The following LRRC42 variants were observed in gnomAD, a reference collection of about 807,000 sequenced individuals.
LRRC42 encodes the protein leucine-rich repeat-containing protein 42.
Under a neutral mutation model 44.3 loss-of-function variants are expected in LRRC42, and 43 were observed. The observed-to-expected ratio is 0.97, with a 90% CI of 0.76 to 1.25. The LOEUF (loss-of-function observed/expected upper bound fraction) is 1.25, where lower values mean the gene tolerates loss of function less well. Among genes scored for constraint, LRRC42 ranks in the 50% most tolerant of loss-of-function variants. LRRC42 has a pLI of 0.00. For synonymous variants in LRRC42, 207 were observed against 195.2 expected (o/e 1.06, Z -0.50); for missense variants, 540 against 509.1 (o/e 1.06, Z -0.58).
At chr1:53,947,683 C>T (rs1654551916) in intron 1 of LRRC42, 105 bp from the exon 2 acceptor site, 1 of 152,162 alleles carries the variant, frequency 6.6e-6, no homozygotes, top group Non-Finnish European at 1.5e-5. Context: ...AGGGAGGCCT[C>T]GTTGTAAATG....
Position 53,959,457 on chromosome 1 carries a change from C to A in LRRC42, c.606-899C>A, listed in dbSNP as rs80155654. On this transcript the variant is annotated intron_variant, in intron 4 of 8. Transcript: ENST00000371370. ...TACAAACCTAGGTCTAACCTACTAC[C>A]TGAGGCCTGCTTCTGACAGTGACAC... Among the ~76,000 whole-genome samples, 5 of 152,172 alleles carry A rather than the reference C, an allele frequency of 3.3e-5. No individual in the cohort carries two copies. The East Asian group carries it at 7.7e-4, about 23-fold the overall frequency.
At chr1:53,948,501 C>G (rs1304311582) in intron 2 of LRRC42, among the ~76,000 whole-genome samples, 2 of 152,172 alleles carry the variant, frequency 1.3e-5, no homozygotes, top group Admixed American at 1.3e-4. Context: ...TGACCAAATG[C>G]TAGAACATAC....
Position 53,952,496 on chromosome 1 carries a change from C to T in LRRC42, c.473+24C>T, listed in dbSNP as rs748440203. The T allele has an allele frequency of 3.3e-5, 52 of 1,553,264 alleles. No homozygotes were observed. In the South Asian group the frequency reaches 4.1e-4, roughly 12 times the overall value. ...AGGTGGGTGTTCTGATTAGATTATTCGGTATTTTATTGGGTGTGTTAATTC... is the reference window on the plus strand; with the variant it reads ...AGGTGGGTGTTCTGATTAGATTATTTGGTATTTTATTGGGTGTGTTAATTC... On this transcript the variant is annotated intron_variant, in intron 3 of 8. Coordinates refer to ENST00000371370, the MANE Select transcript of LRRC42 (RefSeq NM_001256409.2).
rs1473712940 is a variant in LRRC42 at position 53,958,183 on chromosome 1, A to T, written c.508A>T (p.Lys170Ter). The T allele has an allele frequency of 1.9e-6, 3 of 1,613,836 alleles. No individual in the cohort carries two copies. The African/African-American group carries it at 4.0e-5, about 22-fold the overall frequency. Residue 170 changes from lysine to a stop codon, truncating the protein, a stop_gained, in exon 4 of 9, where the codon AAG (lysine) becomes TAG (stop). Transcript: ENST00000371370. LOFTEE classifies it high-confidence loss of function. ...LVISEKLEEI[K>*]SFRELTCLDL... Reference sequence around the variant, plus strand: ...GATTTCAGAAAAGCTTGAGGAGATTAAGTCTTTCCGGGAGCTGACCTGCCT... The same window carrying T: ...GATTTCAGAAAAGCTTGAGGAGATTTAGTCTTTCCGGGAGCTGACCTGCCT...
At chr1:53,952,497 G>C in intron 3 of LRRC42, 25 bp downstream of exon 3, 2 of 1,550,410 alleles carry the variant, frequency 1.3e-6, no homozygotes, top group Middle Eastern at 1.7e-4. Context: ...TAGATTATTC[G>C]GTATTTTATT....
chr1:53,964,394 C>G (rs1269857473), intron 7 of LRRC42, among the ~76,000 whole-genome samples: 1 of 152,184 alleles, frequency 6.6e-6, no homozygotes. Flanking sequence ...CTGCATTCCT[C>G]TCTCAGACAC....
chr1:53,965,264 C>T (rs535589364), intron 7 of LRRC42, among the ~76,000 whole-genome samples: 11 of 149,226 alleles, frequency 7.4e-5, no homozygotes, highest in South Asian at 2.2e-4. Context: ...GGATTACAGG[C>T]GTGAGCTACT....
At position 53,952,346 on chromosome 1, in the gene LRRC42, A is replaced by T; in HGVS notation, c.347A>T (p.Glu116Val). The change falls in exon 3 of 9, where the codon GAA becomes GTA. Residue 116 changes from glutamate (E) to valine (V), a missense_variant. By Grantham distance (121) the Glu-to-Val change is moderately radical. Coordinates refer to ENST00000371370, the MANE Select transcript of LRRC42 (RefSeq NM_001256409.2). ...ATTGGCTTTCCTGAGCAGATTGCTG[A>T]AAAGCTGTTCTCTGCTGCTGAAGCC... ...SLIGFPEQIA[E>V]KLFSAAEARQ... The T allele has an allele frequency of 6.2e-7, 1 of 1,614,188 alleles. No homozygotes were observed. Among genetic ancestry groups the T allele is most frequent in the Non-Finnish European group, 8.5e-7 (1 of 1,179,992 alleles).
At position 53,952,726 on chromosome 1, in the gene LRRC42, T is replaced by C. The variant is rs563418741; in HGVS notation, c.473+254T>C. On this transcript the variant is annotated intron_variant, in intron 3 of 8. Transcript: ENST00000371370. Reference sequence around the variant, plus strand: ...CTCCTCCATTAAGTAGAAAATATTATTCTAACAGCTTTCAAAGAGAAAATA... The same window carrying C: ...CTCCTCCATTAAGTAGAAAATATTACTCTAACAGCTTTCAAAGAGAAAATA... Among the ~76,000 whole-genome samples the C allele has an allele frequency of 2.6e-5, 4 of 152,350 alleles. No individual in the cohort carries two copies. In the East Asian group the frequency reaches 7.7e-4, roughly 29 times the overall value.
chr1:53,963,226 C>T (rs1655042047), intron 7 of LRRC42, among the ~76,000 whole-genome samples: 1 of 152,180 alleles, frequency 6.6e-6, no homozygotes, highest in African/African-American at 2.4e-5. Context: ...AGGGAGACTG[C>T]TGAGTCGTGT....
intron 5 of LRRC42, among the ~76,000 whole-genome samples, chr1:53,961,483 G>T (rs963872262): frequency 4.6e-5 from 7 of 151,846 alleles, no homozygotes; most frequent in Admixed American, 3.3e-4. Flanking sequence ...AATATTTTTT[G>T]AGCATCTACA....
At chr1:53,960,124 T>C (rs1654954632) in intron 4 of LRRC42, among the ~76,000 whole-genome samples, 1 of 152,034 alleles carries the variant, frequency 6.6e-6, no homozygotes, top group Non-Finnish European at 1.5e-5. Flanking sequence ...GGTCTCTAAC[T>C]CCTGGGCCCA....
chr1:53,951,261 A>C (rs776551160), intron 2 of LRRC42, among the ~76,000 whole-genome samples: 2 of 152,274 alleles, frequency 1.3e-5, no homozygotes, highest in African/African-American at 2.4e-5. Context: ...CGTGTAAGTC[A>C]TAATGTATTT....
At chr1:53,958,314 T>C in intron 4 of LRRC42, 34 bp downstream of exon 4, 1 of 1,610,294 alleles carries the variant, frequency 6.2e-7, no homozygotes, top group Non-Finnish European at 8.5e-7. Flanking sequence ...GATGAATTGT[T>C]TCAGTATTGT....
intron 3 of LRRC42, among the ~76,000 whole-genome samples, chr1:53,957,887 C>T (rs1011040926): frequency 6.6e-6 from 1 of 151,800 alleles, no homozygotes; most frequent in African/African-American, 2.4e-5. Context: ...TCACTTGTGA[C>T]TTTCCTTTGC....
At position 53,946,407 on chromosome 1, in the gene LRRC42, C is replaced by T. The variant is rs973693753; in HGVS notation, c.-191C>T. On this transcript the variant is annotated 5_prime_UTR_variant, in exon 1 of 9. Coordinates refer to ENST00000371370, the MANE Select transcript of LRRC42 (RefSeq NM_001256409.2). ...CCCACGGCGCCTGGTTGCCCCCAGC[C>T]CCCTCCCTCCTCCCACCTTCACTGT... The T allele has an allele frequency of 6.6e-6, 1 of 152,276 alleles. No homozygotes were observed. Among genetic ancestry groups the T allele is most frequent in the African/African-American group, 2.4e-5 (1 of 41,442 alleles). The allele number at this position is 152,276 out of a possible 1,614,324, so 9.4% of individuals were successfully genotyped here. A position where few individuals can be genotyped will look rare whatever the true frequency, so the allele number is the denominator to read the frequency against.
At chr1:53,956,446 T>C (rs1654845022) in intron 3 of LRRC42, among the ~76,000 whole-genome samples, 1 of 152,264 alleles carries the variant, frequency 6.6e-6, no homozygotes, top group African/African-American at 2.4e-5. Context: ...GTTTCTCTTT[T>C]TCTTAATCAT....
chr1:53,957,905 C>CATTTATTTATTT (rs201223513), intron 3 of LRRC42, among the ~76,000 whole-genome samples: 130 of 152,120 alleles, frequency 8.5e-4, no homozygotes, highest in African/African-American at 2.8e-3. Context: ...TGCTAATATA[C>CATTTATTTATTT]ATTTATTTAT....
Position 53,952,168 on chromosome 1 carries a change from A to C in LRRC42, c.169A>C (p.Met57Leu), listed in dbSNP as rs142708344. The change falls in exon 3 of 9, where the codon ATG becomes CTG. Residue 57 changes from methionine to leucine, a missense_variant. Transcript: ENST00000371370. ...FPKGFSVELC[M>L]NREDDTARKE... Reference sequence around the variant, plus strand: ...CAAAGGCTTTTCTGTGGAGCTTTGCATGAACAGGGAAGACGACACTGCACG... The same window carrying C: ...CAAAGGCTTTTCTGTGGAGCTTTGCCTGAACAGGGAAGACGACACTGCACG... 2.4e-5 allele frequency: 38 copies of C among 1,614,102 alleles called. No individual in the cohort carries two copies. Among genetic ancestry groups the C allele is most frequent in the Non-Finnish European group, 3.1e-5 (36 of 1,180,022 alleles).
Sources: allele counts gnomAD v4.1 joint callset (sites outside exome capture counted in the v4.1 genomes callset), GRCh38; gene constraint gnomAD v4.1.1; transcripts MANE v1.5; gene names NCBI Gene and HGNC (gene_info 2026-07-23, HGNC 2026-07-21).